The following RAB3GAP2 variants were observed in gnomAD, a reference collection of about 807,000 sequenced individuals.
The protein encoded by RAB3GAP2 is rab3 GTPase-activating protein non-catalytic subunit.
A neutral mutation model predicts 185.3 loss-of-function variants in RAB3GAP2; 87 were observed. The ratio of observed to expected loss-of-function variants is 0.47; its 90% CI spans 0.39 to 0.56. RAB3GAP2 has a LOEUF of 0.56. Ranked by LOEUF, RAB3GAP2 falls within the 20% of genes least tolerant of loss-of-function variation. RAB3GAP2 has a pLI of 0.00. For synonymous variants in RAB3GAP2, 554 were observed against 576.1 expected, an observed-to-expected ratio of 0.96 and a Z score of 0.55; for missense variants, 1,492 against 1,638.2, an observed-to-expected ratio of 0.91 and a Z score of 1.54.
chr1:220,253,919 C>T (rs1354071147), intron 1 of RAB3GAP2: 2 of 1,613,566 alleles, frequency 1.2e-6, no homozygotes, highest in Non-Finnish European at 1.7e-6. Context: ...AAACAGAAAA[C>T]ACCTGGAAAT....
intron 9 of RAB3GAP2, among the ~76,000 whole-genome samples, chr1:220,198,492 G>C (rs893417425): frequency 6.6e-6 from 1 of 151,994 alleles, no homozygotes; most frequent in Non-Finnish European, 1.5e-5. Context: ...CTACACATTG[G>C]TACTGAATTT....
intron 28 of RAB3GAP2, among the ~76,000 whole-genome samples, chr1:220,161,906 T>C (rs1466927886): frequency 6.6e-6 from 1 of 152,178 alleles, no homozygotes; most frequent in Non-Finnish European, 1.5e-5. Flanking sequence ...TAAGTGTAAA[T>C]TTGTACACTT....
intron 7 of RAB3GAP2, among the ~76,000 whole-genome samples, chr1:220,208,456 G>A (rs1011885678): frequency 2.6e-5 from 4 of 152,004 alleles, no homozygotes; most frequent in Non-Finnish European, 4.4e-5. Flanking sequence ...TTCAACCATC[G>A]TGTCCAATCT....
chr1:220,170,494 T>C (rs1311014660), intron 24 of RAB3GAP2, among the ~76,000 whole-genome samples: 1 of 152,236 alleles, frequency 6.6e-6, no homozygotes, highest in African/African-American at 2.4e-5. Context: ...CTTTACATAT[T>C]TGCAAATCTC....
chr1:220,257,387 CA>C (rs1231464748), intron 1 of RAB3GAP2, among the ~76,000 whole-genome samples: 2 of 149,682 alleles, frequency 1.3e-5, no homozygotes, highest in Non-Finnish European at 3.0e-5. Flanking sequence ...CAAAAAAAAA[CA>C]AAACAAAAAA....
chr1:220,222,102 A>G (rs1014545093), intron 2 of RAB3GAP2, among the ~76,000 whole-genome samples: 1 of 152,236 alleles, frequency 6.6e-6, no homozygotes, highest in African/African-American at 2.4e-5. Flanking sequence ...TGCCTAAGCC[A>G]TAGAAATAAA....
At chr1:220,198,106 T>A (rs1438960568) in intron 9 of RAB3GAP2, among the ~76,000 whole-genome samples, 1 of 152,174 alleles carries the variant, frequency 6.6e-6, no homozygotes, top group Non-Finnish European at 1.5e-5. Flanking sequence ...CCAGCTTAGC[T>A]TTGTGTTCCA....
chr1:220,162,795 TG>T (rs1416482928), intron 27 of RAB3GAP2, among the ~76,000 whole-genome samples: 1 of 152,192 alleles, frequency 6.6e-6, no homozygotes, highest in Admixed American at 6.5e-5. Flanking sequence ...ATGAGATTGT[TG>T]GGAACAGTTT....
chr1:220,212,861 A>G, intron 4 of RAB3GAP2, 26 bp downstream of exon 4: 1 of 1,570,418 alleles, frequency 6.4e-7, no homozygotes, highest in Non-Finnish European at 8.8e-7. Flanking sequence ...TAACACACAG[A>G]GAAACAAAAA....
chr1:220,199,431 A>AG (rs1347369869), intron 9 of RAB3GAP2, among the ~76,000 whole-genome samples: 1 of 152,194 alleles, frequency 6.6e-6, no homozygotes, highest in Non-Finnish European at 1.5e-5. Flanking sequence ...TTCTACTGTA[A>AG]CTTTCATATC....
chr1:220,200,243 C>T (rs1291592903), intron 9 of RAB3GAP2, among the ~76,000 whole-genome samples: 1 of 152,214 alleles, frequency 6.6e-6, no homozygotes, highest in African/African-American at 2.4e-5. Context: ...TCTCATCCTT[C>T]AAGTCTCAGT....
intron 1 of RAB3GAP2, chr1:220,266,935 G>C (rs1229368170): frequency 6.3e-7 from 1 of 1,593,174 alleles, no homozygotes; most frequent in Non-Finnish European, 8.6e-7. Context: ...TGCCTCAAAA[G>C]GAGGCTTCCC....
At position 220,151,172 on chromosome 1, in the gene RAB3GAP2, C is replaced by T; in HGVS notation, c.*79G>A. ...AAAGACATACTTTTCCCATAAAATT[C>T]CAGGTCTTACTATGTAAAATAACCA... On this transcript the variant is annotated 3_prime_UTR_variant, in exon 35 of 35. Coordinates refer to ENST00000358951, the MANE Select transcript of RAB3GAP2 (RefSeq NM_012414.4). The T allele has an allele frequency of 7.2e-7, 1 of 1,397,220 alleles. No individual in the cohort carries two copies. The highest frequency in any genetic ancestry group is 9.9e-7 in the Non-Finnish European group (1 of 1,007,790). 86.6% of individuals were successfully genotyped at this position (1,397,220 alleles called of 1,614,324 possible).
At chr1:220,181,476 G>T (rs1658403617) in intron 21 of RAB3GAP2, among the ~76,000 whole-genome samples, 1 of 152,002 alleles carries the variant, frequency 6.6e-6, no homozygotes, top group African/African-American at 2.4e-5. Context: ...TTTTCAGAAA[G>T]GGTAAAAATT....
chr1:220,167,253 A>G, intron 26 of RAB3GAP2, 40 bp downstream of exon 26: 1 of 1,547,790 alleles, frequency 6.5e-7, no homozygotes, highest in Non-Finnish European at 8.9e-7. Context: ...GCATGAACAC[A>G]GAAGCAGAAA....
At chr1:220,180,939 T>C (rs1169715036) in intron 21 of RAB3GAP2, among the ~76,000 whole-genome samples, 1 of 151,888 alleles carries the variant, frequency 6.6e-6, no homozygotes, top group Non-Finnish European at 1.5e-5. Context: ...TCAAAAATAT[T>C]CAGAAAAAAA....
Position 220,232,819 on chromosome 1 carries a change from C to T in RAB3GAP2, c.160G>A (p.Glu54Lys). The change falls in exon 2 of 35, where the codon GAA (glutamate) becomes AAA (lysine). Residue 54 changes from glutamate (E) to lysine (K), a missense_variant. This residue lies in a region of RAB3GAP2 where 177 missense variants were observed against 160.6 expected (regional missense o/e 1.10). Coordinates refer to ENST00000358951, the MANE Select transcript of RAB3GAP2 (RefSeq NM_012414.4). ...WEDDGWGAWE[E>K]NEPQEPEEEG... ...CTTACAGGTTCTTGTGGTTCATTTT[C>T]TTCCCATGCTCCCCAACCATCATCT... 6.2e-7 allele frequency: 1 copy of T among 1,613,802 alleles called. No homozygotes were observed.
At chr1:220,219,132 T>G (rs1334785169) in intron 2 of RAB3GAP2, among the ~76,000 whole-genome samples, 1 of 152,160 alleles carries the variant, frequency 6.6e-6, no homozygotes, top group African/African-American at 2.4e-5. Flanking sequence ...AATCCTCAGG[T>G]AAATCAAATT....
intron 1 of RAB3GAP2, among the ~76,000 whole-genome samples, chr1:220,237,023 C>A (rs573241762): frequency 2.0e-5 from 3 of 152,098 alleles, no homozygotes; most frequent in Admixed American, 1.3e-4. Flanking sequence ...AAATGGCTCA[C>A]CATGATTGTT....
Sources: gnomAD v4.1 joint callset for allele counts (sites outside exome capture counted in the v4.1 genomes callset) on GRCh38, gnomAD v4.1.1 for gene constraint, gnomAD v4.1.1 regional missense constraint, MANE v1.5 for transcripts, NCBI Gene and HGNC (gene_info 2026-07-23, HGNC 2026-07-21) for gene names.